Variants in CADM4 observed in about 807,000 individuals in gnomAD.
The protein encoded by CADM4 is cell adhesion molecule 4, also known as TSLC1-like 2.
Under a neutral mutation model 43.9 loss-of-function variants are expected in CADM4, and 13 were observed. That is an observed-to-expected ratio of 0.30 (90% CI 0.19 to 0.47). The LOEUF is 0.47. Among genes scored for constraint, CADM4 ranks in the 20% least tolerant of loss-of-function variants. CADM4 has a pLI of 1.00. For synonymous variants in CADM4, 209 were observed against 220.9 expected, an observed-to-expected ratio of 0.95 and a Z score of 0.48; for missense variants, 420 against 527.0, an observed-to-expected ratio of 0.80 and a Z score of 1.99.
chr19:43,630,290 T>C (rs969800145), intron 1 of CADM4, among the ~76,000 whole-genome samples: 1 of 138,568 alleles, frequency 7.2e-6, no homozygotes, highest in Non-Finnish European at 1.5e-5. Context: ...TCTTTTTTTT[T>C]TTTTTTTTTT....
At chr19:43,635,558 C>G (rs1973690036) in intron 1 of CADM4, among the ~76,000 whole-genome samples, 1 of 151,714 alleles carries the variant, frequency 6.6e-6, no homozygotes. Context: ...GGACTCCCAG[C>G]CCCCTTTTCC....
rs1973533010 is a variant in CADM4 at position 43,626,655 on chromosome 19, G to A, written c.499+129C>T. ...TAGGACTACAGGCGTGAGCCACCGC[G>A]CTCGACATCAACCACTACATATTGA... On this transcript the variant is annotated intron_variant, in intron 4 of 8. Transcript: ENST00000222374. The surrounding 1 kb of genome is among the most constrained non-coding windows in gnomAD (Gnocchi z 5.9). 4 of 1,258,134 alleles carry A rather than the reference G, an allele frequency of 3.2e-6. No homozygotes were observed. Among genetic ancestry groups the A allele is most frequent in the South Asian group, 3.3e-5 (2 of 60,132 alleles). 77.9% of individuals were successfully genotyped at this position (1,258,134 alleles called of 1,614,324 possible). A position where few individuals can be genotyped will look rare whatever the true frequency, so the allele number is the denominator to read the frequency against.
At chr19:43,633,071 CAAAAAAAAAAA>C (rs1167707172) in intron 1 of CADM4, among the ~76,000 whole-genome samples, 2 of 56,992 alleles carry the variant, frequency 3.5e-5, no homozygotes, top group African/African-American at 6.5e-5. Flanking sequence ...GACTCTGTCT[CAAAAAAAAAAA>C]AAAAAAAAAG....
intron 7 of CADM4, chr19:43,624,834 G>A: frequency 1.8e-6 from 1 of 542,114 alleles, no homozygotes; most frequent in Non-Finnish European, 3.3e-6. Flanking sequence ...CAACAGCCTT[G>A]TTATATAGGT....
In CADM4 at chr19:43,627,145, T is replaced by C. The variant is rs407049; in HGVS notation, c.364+21A>G. The C allele has an allele frequency of 0.99, 1,523,539 of 1,536,948 alleles. 755,143 individuals carry two copies. The highest frequency in any genetic ancestry group is 1 in the East Asian group (42,906 of 42,906). ...AGAAGAAAGGAGGAGAGGATGCGTC[T>C]GACAAGGGGGAGGGCGTTACCTAGT... On this transcript the variant is annotated intron_variant, in intron 3 of 8. Coordinates refer to ENST00000222374, the MANE Select transcript of CADM4 (RefSeq NM_145296.2). The surrounding 1 kb of genome is among the most constrained non-coding windows in gnomAD (Gnocchi z 4.0).
At position 43,623,220 on chromosome 19, in the gene CADM4, G is replaced by T; in HGVS notation, c.*110C>A. 1 of 781,686 alleles carries T rather than the reference G, an allele frequency of 1.3e-6. No homozygotes were observed. The highest frequency in any genetic ancestry group is 1.4e-5 in the South Asian group (1 of 71,122). 48.4% of individuals were successfully genotyped at this position (781,686 alleles called of 1,614,324 possible). ...GCGTCTGAGGTGTTAGTGGTGGGGG[G>T]AGAAGCCCACCATCCCAGACTCTGG... On this transcript the variant is annotated 3_prime_UTR_variant, in exon 9 of 9. Coordinates refer to ENST00000222374, the MANE Select transcript of CADM4 (RefSeq NM_145296.2). This position sits in a 1 kb window ranked among gnomAD's most constrained non-coding sequence, Gnocchi z 4.4.
At chr19:43,637,036 C>T (rs1973714508) in intron 1 of CADM4, among the ~76,000 whole-genome samples, 1 of 152,156 alleles carries the variant, frequency 6.6e-6, no homozygotes, top group African/African-American at 2.4e-5. Flanking sequence ...TTCTGTTCTA[C>T]CCAGTTTCTG....
intron 1 of CADM4, among the ~76,000 whole-genome samples, chr19:43,636,679 A>C (rs1167288348): frequency 3.5e-5 from 5 of 143,920 alleles, no homozygotes; most frequent in Admixed American, 2.9e-4. Flanking sequence ...CACGACATTA[A>C]CCCAGCCTTA....
In CADM4 at chr19:43,625,778, G is replaced by C. The variant is rs955972562; in HGVS notation, c.755+133C>G. Reference sequence around the variant, plus strand: ...CTCCTCCTCAGGACCCAGGAATCCAGGTCCTAGCTCCCTGTTTGTCCAGGT... The same window carrying C: ...CTCCTCCTCAGGACCCAGGAATCCACGTCCTAGCTCCCTGTTTGTCCAGGT... On this transcript the variant is annotated intron_variant, in intron 6 of 8. Coordinates refer to ENST00000222374, the MANE Select transcript of CADM4 (RefSeq NM_145296.2). The surrounding 1 kb of genome is among the most constrained non-coding windows in gnomAD (Gnocchi z 4.5). 5.6e-6 allele frequency: 4 copies of C among 708,860 alleles called. No homozygotes were observed. In the South Asian group the frequency reaches 7.3e-5, roughly 13 times the overall value. The allele number at this position is 708,860 out of a possible 1,614,324, so 43.9% of individuals were successfully genotyped here. A position where few individuals can be genotyped will look rare whatever the true frequency, so the allele number is the denominator to read the frequency against.
intron 1 of CADM4, among the ~76,000 whole-genome samples, chr19:43,638,731 G>A (rs1052490599): frequency 6.6e-6 from 1 of 152,232 alleles, no homozygotes; most frequent in Non-Finnish European, 1.5e-5. Context: ...GTGAATGGGT[G>A]AGCAGGGTTT....
chr19:43,639,867 G>A, upstream of CADM4: 2 of 966,694 alleles, frequency 2.1e-6, no homozygotes, highest in Non-Finnish European at 2.4e-6. Context: ...CCCGCCCCCC[G>A]CGCCCCGCCC....
At chr19:43,635,537 C>T (rs989672466) in intron 1 of CADM4, among the ~76,000 whole-genome samples, 4 of 151,394 alleles carry the variant, frequency 2.6e-5, no homozygotes, top group African/African-American at 4.9e-5. Flanking sequence ...TCCCTCAAGA[C>T]CTAGGAGTGT....
At chr19:43,628,327 C>T (rs1205811347) in intron 1 of CADM4, among the ~76,000 whole-genome samples, 2 of 151,046 alleles carry the variant, frequency 1.3e-5, no homozygotes, top group African/African-American at 2.4e-5. Flanking sequence ...CCCAGCTACT[C>T]GGGAGGCTGA....
rs373454586 is a variant in CADM4 at position 43,623,321 on chromosome 19, G to C, written c.*9C>G. Reference sequence around the variant, plus strand: ...CAGGCCCAGGCCTAGGCCTGGGGTGGGGATAGGGTCAGATGAAGAATTCCT... The same window carrying C: ...CAGGCCCAGGCCTAGGCCTGGGGTGCGGATAGGGTCAGATGAAGAATTCCT... On this transcript the variant is annotated 3_prime_UTR_variant, in exon 9 of 9. Transcript: ENST00000222374. The surrounding 1 kb of genome is among the most constrained non-coding windows in gnomAD (Gnocchi z 4.4). The C allele has an allele frequency of 2.5e-6, 4 of 1,609,816 alleles. No homozygotes were observed. The highest frequency in any genetic ancestry group is 3.4e-6 in the Non-Finnish European group (4 of 1,176,682).
rs1204937921 is a variant in CADM4 at position 43,625,935 on chromosome 19, G to A, written c.731C>T (p.Thr244Met). The A allele has an allele frequency of 3.7e-6, 6 of 1,614,116 alleles. No individual in the cohort carries two copies. The African/African-American group carries it at 4.0e-5, about 11-fold the overall frequency. The change falls in exon 6 of 9, where the codon ACG becomes ATG. Residue 244 changes from threonine to methionine, a missense_variant. By Grantham distance (81) the Thr-to-Met change is moderately conservative. Coordinates refer to ENST00000222374, the MANE Select transcript of CADM4 (RefSeq NM_145296.2). The surrounding 1 kb of genome is among the most constrained non-coding windows in gnomAD (Gnocchi z 4.5). ...CCTGGGGTTCCCCGTGACAGCACAC[G>A]TCAACACCAGCGTGTCTCCCTCCCT... is the stretch of plus-strand genomic sequence containing the variant. ...VVREGDTLVL[T>M]CAVTGNPRPN...
intron 1 of CADM4, among the ~76,000 whole-genome samples, chr19:43,634,891 G>T (rs1247628608): frequency 6.6e-6 from 1 of 150,870 alleles, no homozygotes; most frequent in Non-Finnish European, 1.5e-5. Flanking sequence ...CTTAGACCCA[G>T]GAATTCAGCC....
intron 1 of CADM4, among the ~76,000 whole-genome samples, chr19:43,633,387 A>G (rs1460081622): frequency 4.6e-5 from 7 of 152,048 alleles, no homozygotes; most frequent in African/African-American, 9.7e-5. Flanking sequence ...AACACTTGCT[A>G]TTTCCTCACC....
intron 1 of CADM4, among the ~76,000 whole-genome samples, chr19:43,630,330 G>A (rs1276508954): frequency 8.2e-6 from 1 of 121,654 alleles, no homozygotes; most frequent in Non-Finnish European, 1.6e-5. Flanking sequence ...CTGTCGCCCA[G>A]GCTAGAGTGC....
chr19:43,625,769 A>G lies in CADM4; in HGVS notation c.755+142T>C, dbSNP rs1600095292. ...CCCAGCTCTCTCCTCCTCAGGACCC[A>G]GGAATCCAGGTCCTAGCTCCCTGTT... On this transcript the variant is annotated intron_variant, in intron 6 of 8. Coordinates refer to ENST00000222374, the MANE Select transcript of CADM4 (RefSeq NM_145296.2). The surrounding 1 kb of genome is among the most constrained non-coding windows in gnomAD (Gnocchi z 4.5). 3 of 666,624 alleles carry G rather than the reference A, an allele frequency of 4.5e-6. No homozygotes were observed. The highest frequency in any genetic ancestry group is 5.5e-5 in the East Asian group (2 of 36,464). The allele number at this position is 666,624 out of a possible 1,614,324, so 41.3% of individuals were successfully genotyped here. A position where few individuals can be genotyped will look rare whatever the true frequency, so the allele number is the denominator to read the frequency against.
Sources: gnomAD v4.1 joint callset for allele counts (sites outside exome capture counted in the v4.1 genomes callset) on GRCh38, gnomAD v4.1.1 for gene constraint, Gnocchi (gnomAD v3.1) non-coding constraint, MANE v1.5 for transcripts, NCBI Gene and HGNC (gene_info 2026-07-23, HGNC 2026-07-21) for gene names.